Variants in TMEM192 observed in about 807,000 individuals in gnomAD.
TMEM192 encodes transmembrane protein 192.
A neutral mutation model predicts 26.7 loss-of-function variants in TMEM192; 20 were observed. The observed-to-expected ratio is 0.75, with a 90% CI of 0.53 to 1.09. The LOEUF is 1.09. Among genes scored for constraint, TMEM192 ranks in the 50% least tolerant of loss-of-function variants. TMEM192 has a pLI of 0.00. For synonymous variants in TMEM192, 124 were observed against 121.0 expected, an observed-to-expected ratio of 1.02 and a Z score of -0.16; for missense variants, 304 against 322.6, an observed-to-expected ratio of 0.94 and a Z score of 0.44.
chr4:165,107,560 T>C (rs957483185), intron 1 of TMEM192, among the ~76,000 whole-genome samples: 3 of 152,002 alleles, frequency 2.0e-5, no homozygotes, highest in Non-Finnish European at 2.9e-5. Context: ...CCCAGGCTGG[T>C]CTTGAACTCC....
rs977721357 is a variant in TMEM192 at position 165,075,960 on chromosome 4, G to A, written c.*3698C>T. 7.9e-5 allele frequency: 12 copies of A among 151,534 alleles called. No individual in the cohort carries two copies. Among genetic ancestry groups the A allele is most frequent in the African/African-American group, 1.7e-4 (7 of 41,272 alleles). The allele number at this position is 151,534 out of a possible 1,614,324, so 9.4% of individuals were successfully genotyped here. On this transcript the variant is annotated 3_prime_UTR_variant, in exon 6 of 6. Coordinates refer to ENST00000306480, the MANE Select transcript of TMEM192 (RefSeq NM_001100389.2). ...TGAGGCAGGAGAATTGCTTGAACCC[G>A]GTAGAAGGAGGTTGCAGTGAGCCCA...
Position 165,100,910 on chromosome 4 carries a change from A to G in TMEM192, c.175-18T>C, listed in dbSNP as rs1735025177. 1 of 1,594,400 alleles carries G rather than the reference A, an allele frequency of 6.3e-7. No homozygotes were observed. The highest frequency in any genetic ancestry group is 8.5e-7 in the Non-Finnish European group (1 of 1,172,676). ...AACACGAGCTGGGGGAAAGGAGAGC[A>G]GAAAGATTAATATTCAATATTTGTA... On this transcript the variant is annotated intron_variant, in intron 2 of 5. Transcript: ENST00000306480.
chr4:165,109,235 T>C (rs1344125919), intron 1 of TMEM192, among the ~76,000 whole-genome samples: 2 of 152,232 alleles, frequency 1.3e-5, no homozygotes, highest in African/African-American at 2.4e-5. Context: ...CTCTTTTATA[T>C]TATGTCCTTT....
In TMEM192 at chr4:165,085,651, AG is replaced by A. The variant is rs1360366144; in HGVS notation, c.611del (p.Pro204LeufsTer28). On this transcript the variant is annotated frameshift_variant, in exon 5 of 6. Transcript: ENST00000306480. LOFTEE classifies it high-confidence loss of function. ...IRRFNKAKPE[P>X]DILEEEKIYA... ...AGATTTTTTCTTCTTCAAGTATATC[AG>A]GCTCTGGTTTAGCTTTATTAAATCT... The A allele has an allele frequency of 6.2e-7, 1 of 1,612,328 alleles. No homozygotes were observed. Among genetic ancestry groups the A allele is most frequent in the Non-Finnish European group, 8.5e-7 (1 of 1,179,316 alleles).
At chr4:165,085,451 C>CCA in intron 5 of TMEM192, 135 bp downstream of exon 5, 1 of 641,818 alleles carries the variant, frequency 1.6e-6, no homozygotes, top group South Asian at 2.1e-5. Context: ...CTTGATTTCA[C>CCA]CACAGCTGAA....
intron 1 of TMEM192, among the ~76,000 whole-genome samples, chr4:165,110,651 GC>G (rs1283691752): frequency 6.6e-6 from 1 of 152,200 alleles, no homozygotes. Flanking sequence ...GTTGCAGTGA[GC>G]CGAGATCGTA....
intron 4 of TMEM192, among the ~76,000 whole-genome samples, chr4:165,085,971 C>T (rs560764775): frequency 6.6e-6 from 1 of 152,170 alleles, no homozygotes; most frequent in Non-Finnish European, 1.5e-5. Context: ...GAAGTGGATG[C>T]TCCTATTACC....
chr4:165,080,291 T>C (rs1314528400), intron 5 of TMEM192, among the ~76,000 whole-genome samples: 1 of 152,136 alleles, frequency 6.6e-6, no homozygotes, highest in Non-Finnish European at 1.5e-5. Context: ...ATAAAAATAT[T>C]ATATAAGTAT....
At chr4:165,098,856 C>A (rs1464604489) in intron 3 of TMEM192, among the ~76,000 whole-genome samples, 2 of 151,552 alleles carry the variant, frequency 1.3e-5, no homozygotes, top group East Asian at 3.9e-4. Flanking sequence ...TGCCACCACA[C>A]CCGGCTAATT....
rs191360719 is a variant in TMEM192 at position 165,095,782 on chromosome 4, A to T, written c.439+4846T>A. ...AACTAATAATACTTGATTTTTAAAA[A>T]TTTTTTTTTAAAAATGGAGTCTCAC... On this transcript the variant is annotated intron_variant, in intron 3 of 5. Coordinates refer to ENST00000306480, the MANE Select transcript of TMEM192 (RefSeq NM_001100389.2). Among the ~76,000 whole-genome samples the T allele has an allele frequency of 5.0e-3, 752 of 151,490 alleles. 12 individuals carry two copies. The highest frequency in any genetic ancestry group is 0.017 in the African/African-American group (707 of 41,306).
intron 3 of TMEM192, among the ~76,000 whole-genome samples, chr4:165,099,837 T>C (rs1734997878): frequency 6.6e-6 from 1 of 152,136 alleles, no homozygotes; most frequent in South Asian, 2.1e-4. Context: ...TAGTCTCAGC[T>C]ACTCAGGAGG....
At position 165,079,709 on chromosome 4, in the gene TMEM192, T is replaced by C. The variant is rs145157032; in HGVS notation, c.765A>G (p.Arg255=). The part of the protein sequence containing the change: ...LKRHNALLSK[R]LLALTSSDLG... ...GGTCTGAGGAAGTGAGAGCCAACAA[T>C]CGCTTACTCAGCAGCGCATTGTGTC... is the stretch of plus-strand genomic sequence containing the variant. The change falls in exon 6 of 6, where the codon CGA becomes CGG. Residue 255 remains arginine, a synonymous_variant. Transcript: ENST00000306480. 48 of 1,613,998 alleles carry C rather than the reference T, an allele frequency of 3.0e-5. No individual in the cohort carries two copies. The highest frequency in any genetic ancestry group is 3.8e-5 in the Non-Finnish European group (45 of 1,179,956).
intron 3 of TMEM192, among the ~76,000 whole-genome samples, chr4:165,097,420 G>A (rs1734935501): frequency 6.7e-6 from 1 of 150,002 alleles, no homozygotes; most frequent in African/African-American, 2.5e-5. Context: ...CCTGAACCCG[G>A]GAGGCGGAGC....
chr4:165,111,675 C>T (rs1735295153), intron 1 of TMEM192: 1 of 152,100 alleles, frequency 6.6e-6, no homozygotes, highest in Admixed American at 6.6e-5. Context: ...TTTCCATTTT[C>T]TCAACTGGAA....
chr4:165,096,335 G>C (rs1734901902), intron 3 of TMEM192, among the ~76,000 whole-genome samples: 1 of 151,814 alleles, frequency 6.6e-6, no homozygotes. Flanking sequence ...AACCTGGGAG[G>C]CAGAGGTTGC....
chr4:165,086,579 A>ACC (rs1304473655), intron 4 of TMEM192, among the ~76,000 whole-genome samples: 3 of 151,634 alleles, frequency 2.0e-5, no homozygotes, highest in African/African-American at 4.8e-5. Context: ...GCACCACCAC[A>ACC]CCCAGCTAAT....
chr4:165,099,600 AG>A (rs1734992098), intron 3 of TMEM192, among the ~76,000 whole-genome samples: 1 of 152,088 alleles, frequency 6.6e-6, no homozygotes, highest in African/African-American at 2.4e-5. Context: ...CCTCTATCCT[AG>A]GAACTAACCA....
chr4:165,095,786 T>C (rs1006514368), intron 3 of TMEM192, among the ~76,000 whole-genome samples: 1 of 151,998 alleles, frequency 6.6e-6, no homozygotes, highest in Non-Finnish European at 1.5e-5. Context: ...TTAAAAATTT[T>C]TTTTTAAAAA....
In TMEM192 at chr4:165,084,682, A is replaced by G. The variant is rs1335495238; in HGVS notation, c.677+904T>C. Among the ~76,000 whole-genome samples the G allele has an allele frequency of 1.4e-4, 20 of 146,042 alleles. No homozygotes were observed. In the Middle Eastern group the frequency reaches 0.012, roughly 86 times the overall value. On this transcript the variant is annotated intron_variant, in intron 5 of 5. Transcript: ENST00000306480. ...CCAGCACTTTGGGAGGCCGAGGTGG[A>G]TGGATCACTTGAGGTCAGGAGTTTG... is the stretch of plus-strand genomic sequence containing the variant.
Sources: allele counts gnomAD v4.1 joint callset (sites outside exome capture counted in the v4.1 genomes callset), GRCh38; gene constraint gnomAD v4.1.1; transcripts MANE v1.5; gene names NCBI Gene and HGNC (gene_info 2026-07-23, HGNC 2026-07-21).